ZNF236: variants seen among roughly 807,000 people sequenced by gnomAD.
ZNF236 encodes regulated by glucose.
ZNF236 carries 50 observed loss-of-function variants against 191.2 expected under a neutral mutation model. That is an observed-to-expected ratio of 0.26 (90% confidence interval 0.21 to 0.33). The LOEUF (loss-of-function observed/expected upper bound fraction) is 0.33. Ranked by LOEUF, ZNF236 falls within the 10% of genes least tolerant of loss-of-function variation. ZNF236 has a pLI of 1.00. For synonymous variants in ZNF236, 907 were observed against 928.8 expected, an observed-to-expected ratio of 0.98 and a Z score of 0.43; for missense variants, 1,754 against 2,374.5, an observed-to-expected ratio of 0.74 and a Z score of 5.43.
intron 3 of ZNF236, among the ~76,000 whole-genome samples, chr18:76,853,409 C>T (rs879703499): frequency 6.6e-6 from 1 of 151,984 alleles, no homozygotes; most frequent in African/African-American, 2.4e-5. Context: ...GATTTTGGAT[C>T]CTGTTTTTAT....
intron 1 of ZNF236, among the ~76,000 whole-genome samples, chr18:76,848,202 A>G (rs1031530447): frequency 3.9e-5 from 6 of 152,234 alleles, no homozygotes; most frequent in Admixed American, 2.6e-4. Context: ...TTCAAGGTCT[A>G]TAGAACATTT....
chr18:76,936,207 G>A (rs1967993901), intron 25 of ZNF236: 1 of 440,348 alleles, frequency 2.3e-6, no homozygotes, highest in African/African-American at 2.0e-5. Context: ...CTTTCCTTTG[G>A]TCGTCATCTT....
At chr18:76,877,863 A>G in intron 6 of ZNF236, 146 bp from the exon 7 acceptor site, 1 of 561,022 alleles carries the variant, frequency 1.8e-6, no homozygotes, top group Non-Finnish European at 2.9e-6. Flanking sequence ...AGAACTATCT[A>G]ATTTAAAAGA....
chr18:76,911,637 C>T (rs933719179), intron 16 of ZNF236, among the ~76,000 whole-genome samples: 1 of 152,180 alleles, frequency 6.6e-6, no homozygotes, highest in African/African-American at 2.4e-5. Flanking sequence ...CTCTACTGTT[C>T]GCAGTCTGTC....
At chr18:76,825,770 CTT>C (rs35798856) in intron 1 of ZNF236, among the ~76,000 whole-genome samples, 3 of 151,316 alleles carry the variant, frequency 2.0e-5, no homozygotes, top group African/African-American at 7.3e-5. Context: ...TCTAGGGCCT[CTT>C]TTTTTTTGTT....
At chr18:76,958,037 C>T (rs904118852) in intron 28 of ZNF236, among the ~76,000 whole-genome samples, 2 of 152,194 alleles carry the variant, frequency 1.3e-5, no homozygotes, top group East Asian at 1.9e-4. Context: ...GCTGCATTAG[C>T]GTCCTCTGGT....
At chr18:76,867,104 T>C (rs1375735718) in intron 3 of ZNF236, among the ~76,000 whole-genome samples, 1 of 152,084 alleles carries the variant, frequency 6.6e-6, no homozygotes, top group East Asian at 1.9e-4. Flanking sequence ...CAGGGCAGTA[T>C]CAGTACGGAG....
At chr18:76,838,573 G>A (rs1975398384) in intron 1 of ZNF236, among the ~76,000 whole-genome samples, 1 of 152,134 alleles carries the variant, frequency 6.6e-6, no homozygotes, top group Non-Finnish European at 1.5e-5. Flanking sequence ...TAGGTTGTAC[G>A]GCCTCTGTCG....
intron 3 of ZNF236, among the ~76,000 whole-genome samples, chr18:76,858,069 T>G (rs1976098987): frequency 6.6e-6 from 1 of 152,222 alleles, no homozygotes; most frequent in African/African-American, 2.4e-5. Flanking sequence ...TTGTGTGTGT[T>G]AGTTTTCCCT....
At chr18:76,878,996 A>G (rs1976794308) in intron 7 of ZNF236, among the ~76,000 whole-genome samples, 1 of 152,204 alleles carries the variant, frequency 6.6e-6, no homozygotes, top group South Asian at 2.1e-4. Context: ...TTGACCAGGT[A>G]GAATGTTGTA....
chr18:76,959,831 C>T lies in ZNF236; in HGVS notation c.5242+15C>T, dbSNP rs368307113. Reference sequence around the variant, plus strand: ...CATACATACAGGTAACGGGGAAGGACGTGCTTTTGTTTCCTTACTCTTTGA... The same window carrying T: ...CATACATACAGGTAACGGGGAAGGATGTGCTTTTGTTTCCTTACTCTTTGA... On this transcript the variant is annotated intron_variant, in intron 29 of 30. Coordinates refer to ENST00000320610, the MANE Select transcript of ZNF236 (RefSeq NM_001306089.2). The T allele has an allele frequency of 3.7e-5, 60 of 1,610,994 alleles. No individual in the cohort carries two copies. Among genetic ancestry groups the T allele is most frequent in the East Asian group, 3.1e-4 (14 of 44,826 alleles).
At chr18:76,908,598 T>G (rs750105337) in intron 14 of ZNF236, 25 bp downstream of exon 14, 1 of 1,581,586 alleles carries the variant, frequency 6.3e-7, no homozygotes, top group Admixed American at 1.7e-5. Context: ...ATATTTAACT[T>G]TGAGTGATCC....
intron 3 of ZNF236, among the ~76,000 whole-genome samples, chr18:76,861,622 A>G (rs892820790): frequency 6.6e-6 from 1 of 152,206 alleles, no homozygotes; most frequent in Non-Finnish European, 1.5e-5. Flanking sequence ...TTTTCAGTTA[A>G]TTGATTTGAA....
intron 30 of ZNF236, 119 bp from the exon 31 acceptor site, chr18:76,968,096 A>G: frequency 1.5e-6 from 2 of 1,360,814 alleles, no homozygotes; most frequent in Non-Finnish European, 2.0e-6. Flanking sequence ...CTGGAATGAA[A>G]AGCAAATTAC....
In ZNF236 at chr18:76,841,888, A is replaced by G. The variant is rs543137312; in HGVS notation, c.56-7638A>G. Reference sequence around the variant, plus strand: ...TTTTATTTTTATTTTTAGTGGAGACAGGGGTTTGCCATGTTGGCCAGGTTG... The same window carrying G: ...TTTTATTTTTATTTTTAGTGGAGACGGGGGTTTGCCATGTTGGCCAGGTTG... On this transcript the variant is annotated intron_variant, in intron 1 of 30. Coordinates refer to ENST00000320610, the MANE Select transcript of ZNF236 (RefSeq NM_001306089.2). Among the ~76,000 whole-genome samples, 140 of 150,122 alleles carry G rather than the reference A, an allele frequency of 9.3e-4. 1 individual carries two copies. The highest frequency in any genetic ancestry group is 3.1e-3 in the African/African-American group (123 of 39,674).
At chr18:76,950,022 A>G (rs1968365631) in intron 27 of ZNF236, among the ~76,000 whole-genome samples, 1 of 152,122 alleles carries the variant, frequency 6.6e-6, no homozygotes, top group East Asian at 1.9e-4. Context: ...TAAAAATGCT[A>G]ACGATCACCT....
At chr18:76,849,173 G>C (rs1390448029) in intron 1 of ZNF236, 3 of 169,908 alleles carry the variant, frequency 1.8e-5, no homozygotes, top group Non-Finnish European at 2.5e-5. Context: ...GGTTTGTAGT[G>C]ACTTTGAAAC....
intron 1 of ZNF236, among the ~76,000 whole-genome samples, chr18:76,825,319 A>T (rs1265091796): frequency 6.6e-6 from 1 of 152,186 alleles, no homozygotes; most frequent in East Asian, 1.9e-4. Flanking sequence ...GTTCCCTGAG[A>T]TGTTTTCAGG....
At chr18:76,911,265 G>C (rs923626117) in intron 16 of ZNF236, among the ~76,000 whole-genome samples, 3 of 151,534 alleles carry the variant, frequency 2.0e-5, no homozygotes, top group Non-Finnish European at 4.4e-5. Flanking sequence ...TTTTGGTTTT[G>C]GTTTTCATTT....
Sources: gnomAD v4.1 joint callset for allele counts (sites outside exome capture counted in the v4.1 genomes callset) on GRCh38, gnomAD v4.1.1 for gene constraint, MANE v1.5 for transcripts, NCBI Gene and HGNC (gene_info 2026-07-23, HGNC 2026-07-21) for gene names.